The following PHF24 variants were observed in gnomAD, a reference collection of about 807,000 sequenced individuals.
PHF24 encodes Galpha inhibitory interacting protein.
Under a neutral mutation model 42.6 loss-of-function variants are expected in PHF24, and 25 were observed. The ratio of observed to expected loss-of-function variants is 0.59; its 90% CI spans 0.43 to 0.82. The LOEUF (loss-of-function observed/expected upper bound fraction) is 0.82, where lower values mean the gene tolerates loss of function less well. PHF24 is among the 40% of genes least tolerant of loss of function. The pLI, the probability that PHF24 is intolerant of heterozygous loss-of-function variation, is 0.00. For synonymous variants in PHF24, 185 were observed against 204.8 expected, an observed-to-expected ratio of 0.90 and a Z score of 0.83; for missense variants, 470 against 538.1, an observed-to-expected ratio of 0.87 and a Z score of 1.25.
At chr9:34,757,752 A>G in the PHF24 span, among the ~76,000 whole-genome samples, 2 of 152,088 alleles carry the variant, frequency 1.3e-5, no homozygotes, top group Non-Finnish European at 2.9e-5. Context: ...GCTAGGCTGT[A>G]ATAGTTTATG....
the PHF24 span, chr9:34,835,495 G>C: frequency 6.4e-7 from 1 of 1,551,956 alleles, no homozygotes; most frequent in Admixed American, 2.0e-5. Context: ...GATGCATCCG[G>C]TTCAGGGTTT....
the PHF24 span, chr9:34,723,432 T>A: frequency 6.4e-7 from 1 of 1,551,652 alleles, no homozygotes; most frequent in African/African-American, 1.4e-5. Flanking sequence ...GAGCACCCTG[T>A]CGGCTTCTCC....
chr9:34,710,470 T>G, the PHF24 span, among the ~76,000 whole-genome samples: 132 of 149,010 alleles, frequency 8.9e-4, no homozygotes, highest in Non-Finnish European at 1.6e-3. Context: ...AGAGTTCTTT[T>G]TTTTTTTTTT....
the PHF24 span, among the ~76,000 whole-genome samples, chr9:34,937,202 T>C: frequency 2.0e-5 from 3 of 152,088 alleles, no homozygotes; most frequent in Non-Finnish European, 4.4e-5. Flanking sequence ...TTTTGTGGAA[T>C]AGAAAGGGGG....
At chr9:34,795,871 G>T in the PHF24 span, among the ~76,000 whole-genome samples, 1 of 152,018 alleles carries the variant, frequency 6.6e-6, no homozygotes, top group Non-Finnish European at 1.5e-5. Context: ...GGTGGTACAT[G>T]CCTGTAGTCC....
the PHF24 span, among the ~76,000 whole-genome samples, chr9:34,731,853 T>G: frequency 6.6e-5 from 10 of 151,028 alleles, no homozygotes; most frequent in Non-Finnish European, 1.0e-4. Flanking sequence ...TATTTTTAGG[T>G]TTTTTTTTCT....
chr9:34,675,660 A>G, the PHF24 span, among the ~76,000 whole-genome samples: 1 of 152,074 alleles, frequency 6.6e-6, no homozygotes, highest in Non-Finnish European at 1.5e-5. Flanking sequence ...GCTTGAAATA[A>G]CGCCACTGCC....
chr9:34,980,558 A>C (rs1049240104), exon 8 of PHF24: 1 of 152,284 alleles, frequency 6.6e-6, no homozygotes, highest in African/African-American at 2.4e-5. Flanking sequence ...TTGCTCCCCA[A>C]GTCCAGAGTT....
At chr9:34,814,394 T>C in the PHF24 span, among the ~76,000 whole-genome samples, 97 of 152,334 alleles carry the variant, frequency 6.4e-4, 1 homozygote, top group Non-Finnish European at 3.4e-4. Context: ...CAGCGTTATA[T>C]TTACAACAAG....
At chr9:34,936,639 G>A in the PHF24 span, among the ~76,000 whole-genome samples, 6 of 151,516 alleles carry the variant, frequency 4.0e-5, no homozygotes, top group Admixed American at 3.9e-4. Flanking sequence ...CCTCTTCCCG[G>A]CCGCCATCCC....
the PHF24 span, among the ~76,000 whole-genome samples, chr9:34,787,440 T>C: frequency 6.6e-6 from 1 of 152,144 alleles, no homozygotes; most frequent in Non-Finnish European, 1.5e-5. Flanking sequence ...GGGAAGATAT[T>C]GGTGGAAGCT....
the PHF24 span, among the ~76,000 whole-genome samples, chr9:34,943,602 G>A: frequency 6.6e-6 from 1 of 151,986 alleles, no homozygotes; most frequent in Non-Finnish European, 1.5e-5. Flanking sequence ...TCCCTTCCTT[G>A]GTTTATAATC....
the PHF24 span, among the ~76,000 whole-genome samples, chr9:34,774,365 C>T: frequency 6.6e-6 from 1 of 151,636 alleles, no homozygotes; most frequent in Non-Finnish European, 1.5e-5. Flanking sequence ...GGATTGCTAT[C>T]CAGAATATAT....
intron 1 of PHF24, among the ~76,000 whole-genome samples, chr9:34,965,814 T>C (rs1826749206): frequency 6.6e-6 from 1 of 152,228 alleles, no homozygotes; most frequent in South Asian, 2.1e-4. Flanking sequence ...TATTAAAGCA[T>C]CTGAAAAAGC....
At chr9:34,873,048 G>T in the PHF24 span, among the ~76,000 whole-genome samples, 124 of 149,486 alleles carry the variant, frequency 8.3e-4, no homozygotes, top group Non-Finnish European at 1.4e-3. Flanking sequence ...TTTTGATGGG[G>T]TTGTTTGTTT....
chr9:34,727,320 G>A, the PHF24 span, among the ~76,000 whole-genome samples: 2 of 152,186 alleles, frequency 1.3e-5, no homozygotes, highest in Admixed American at 1.3e-4. Context: ...AGCTGATGGG[G>A]CATCACCAGG....
the PHF24 span, among the ~76,000 whole-genome samples, chr9:34,677,827 CTCT>C: frequency 6.6e-6 from 1 of 152,182 alleles, no homozygotes. Context: ...TGTGTCCTAC[CTCT>C]TCTTATGCCA....
the PHF24 span, among the ~76,000 whole-genome samples, chr9:34,830,768 A>G: frequency 6.6e-6 from 1 of 152,132 alleles, no homozygotes; most frequent in Non-Finnish European, 1.5e-5. Context: ...ACTTTGTTTA[A>G]TCTGTGTGTG....
At chr9:34,845,027 TTTACAA>T in the PHF24 span, among the ~76,000 whole-genome samples, 1 of 152,206 alleles carries the variant, frequency 6.6e-6, no homozygotes, top group African/African-American at 2.4e-5. Flanking sequence ...ATATGCTATA[TTTACAA>T]TGATTATATC....
Sources: allele counts gnomAD v4.1 joint callset (sites outside exome capture counted in the v4.1 genomes callset), GRCh38; gene constraint gnomAD v4.1.1; transcripts MANE v1.5; gene names NCBI Gene and HGNC (gene_info 2026-07-23, HGNC 2026-07-21).